IL1RAPL2: variants seen among roughly 807,000 people sequenced by gnomAD.
IL1RAPL2 encodes the protein X-linked interleukin-1 receptor accessory protein-like 2.
IL1RAPL2 carries 3 observed loss-of-function variants against 44.1 expected under a neutral mutation model. The ratio of observed to expected loss-of-function variants is 0.07; its 90% confidence interval spans 0.03 to 0.18. IL1RAPL2 has a LOEUF of 0.18. Among genes scored for constraint, IL1RAPL2 ranks in the 10% least tolerant of loss-of-function variants. The pLI, the probability that IL1RAPL2 is intolerant of heterozygous loss-of-function variation, is 1.00. For missense variants in IL1RAPL2, 391 were observed against 496.4 expected, an observed-to-expected ratio of 0.79 and a Z score of 2.02; for synonymous variants, 181 against 178.8, an observed-to-expected ratio of 1.01 and a Z score of -0.10.
At chrX:105,109,984 G>C (rs777140734) in intron 2 of IL1RAPL2, among the ~76,000 whole-genome samples, 6 of 111,836 alleles carry the variant, frequency 5.4e-5, no homozygotes, top group Non-Finnish European at 5.6e-5. Flanking sequence ...ATTTGGAAAG[G>C]ACCTCAGAGA....
intron 5 of IL1RAPL2, among the ~76,000 whole-genome samples, chrX:105,275,513 G>T (rs749252168): frequency 1.3e-3 from 142 of 112,026 alleles, no homozygotes; most frequent in African/African-American, 4.3e-3. Flanking sequence ...GAATGGATTT[G>T]TTGACTAATT....
intron 2 of IL1RAPL2, among the ~76,000 whole-genome samples, chrX:104,937,758 A>G (rs2147700774): frequency 8.9e-6 from 1 of 112,488 alleles, no homozygotes; most frequent in Admixed American, 9.4e-5. Flanking sequence ...TCCCATTACC[A>G]TCTTTAAGCT....
intron 3 of IL1RAPL2, among the ~76,000 whole-genome samples, chrX:105,216,317 T>C (rs1405632084): frequency 2.7e-5 from 3 of 110,106 alleles, no homozygotes; most frequent in Non-Finnish European, 5.7e-5. Context: ...ACACCAACAA[T>C]AGTCAAGCAG....
chrX:104,717,741 C>A (rs1931598362), intron 2 of IL1RAPL2, among the ~76,000 whole-genome samples: 1 of 109,651 alleles, frequency 9.1e-6, no homozygotes, highest in African/African-American at 3.3e-5. Flanking sequence ...AGGTATCTCT[C>A]CTAATGCTAT....
At chrX:105,338,528 C>T in intron 5 of IL1RAPL2, among the ~76,000 whole-genome samples, 1 of 111,774 alleles carries the variant, frequency 8.9e-6, no homozygotes, top group South Asian at 3.8e-4. Flanking sequence ...CCACTATTCT[C>T]TCCTCCTCAG....
chrX:104,598,162 T>C (rs1191445890), intron 1 of IL1RAPL2, among the ~76,000 whole-genome samples: 1 of 112,419 alleles, frequency 8.9e-6, no homozygotes, highest in African/African-American at 3.2e-5. Flanking sequence ...TCTAGCAACA[T>C]GGAATATCAG....
chrX:104,801,481 A>G (rs1464307067), intron 2 of IL1RAPL2, among the ~76,000 whole-genome samples: 1 of 110,394 alleles, frequency 9.1e-6, no homozygotes, highest in Non-Finnish European at 1.9e-5. Context: ...ATTTGTATTT[A>G]TGTAAGAGAA....
intron 3 of IL1RAPL2, among the ~76,000 whole-genome samples, chrX:105,232,844 T>G (rs961578044): frequency 7.1e-5 from 8 of 112,225 alleles, no homozygotes; most frequent in African/African-American, 1.6e-4. Flanking sequence ...ATTTCTAAAG[T>G]GGCCTTATGA....
chrX:105,219,143 T>C, intron 3 of IL1RAPL2: 1 of 1,211,491 alleles, frequency 8.3e-7, no homozygotes, highest in East Asian at 3.0e-5. Context: ...TGGTCTATTC[T>C]GTGGGGCCCC....
In IL1RAPL2 at chrX:105,121,661, T is replaced by C. The variant is rs149474071; in HGVS notation, c.83-73814T>C. On this transcript the variant is annotated intron_variant, in intron 2 of 10. Transcript: ENST00000372582. ...GCAATTGATTGTATTGGAGACATTTTTGTTTTGTTTTGTTCTAAATTCAAG... is the reference window on the plus strand; with the variant it reads ...GCAATTGATTGTATTGGAGACATTTCTGTTTTGTTTTGTTCTAAATTCAAG... 3.1e-3 allele frequency among the ~76,000 whole-genome samples: 345 copies of C among 111,583 alleles called. 1 individual carries two copies. The highest frequency in any genetic ancestry group is 0.01 in the African/African-American group (319 of 30,769).
chrX:105,528,568 T>C (rs2036609554), intron 6 of IL1RAPL2, among the ~76,000 whole-genome samples: 1 of 111,739 alleles, frequency 8.9e-6, no homozygotes, highest in South Asian at 3.7e-4. Flanking sequence ...CAATGAACAC[T>C]TATATGCCTT....
At chrX:104,595,919 T>A (rs200020167) in intron 1 of IL1RAPL2, among the ~76,000 whole-genome samples, 1 of 30,898 alleles carries the variant, frequency 3.2e-5, no homozygotes, top group Non-Finnish European at 5.4e-5. Context: ...ACCTTTTTTA[T>A]TTTTTTTTTT....
chrX:104,869,902 G>A (rs1352519401), intron 2 of IL1RAPL2, among the ~76,000 whole-genome samples: 1 of 111,266 alleles, frequency 9.0e-6, no homozygotes, highest in Non-Finnish European at 1.9e-5. Flanking sequence ...GCACATTTCT[G>A]GTAATTGTTG....
intron 2 of IL1RAPL2, among the ~76,000 whole-genome samples, chrX:104,766,578 T>C (rs1418667460): frequency 8.9e-6 from 1 of 112,264 alleles, no homozygotes; most frequent in Non-Finnish European, 1.9e-5. Flanking sequence ...TATTATGTCC[T>C]AGACACTGTT....
At chrX:104,634,353 A>G (rs1244299591) in intron 1 of IL1RAPL2, among the ~76,000 whole-genome samples, 2 of 111,707 alleles carry the variant, frequency 1.8e-5, no homozygotes, top group Non-Finnish European at 3.8e-5. Flanking sequence ...GTAGATGTCT[A>G]TTAGGTCCAC....
intron 2 of IL1RAPL2, among the ~76,000 whole-genome samples, chrX:104,808,877 G>A (rs888782359): frequency 3.6e-5 from 4 of 111,565 alleles, no homozygotes; most frequent in African/African-American, 6.5e-5. Flanking sequence ...TTGGGTGAGA[G>A]CAGTTCTGAG....
intron 6 of IL1RAPL2, among the ~76,000 whole-genome samples, chrX:105,616,024 A>T (rs898585446): frequency 1.8e-5 from 2 of 112,179 alleles, no homozygotes; most frequent in Non-Finnish European, 3.8e-5. Flanking sequence ...TTTAAAAAGC[A>T]CAACTGGAAT....
rs376587016 is a variant in IL1RAPL2 at position 104,778,854 on chromosome X, A to G, written c.82+119859A>G. 6.3e-5 allele frequency among the ~76,000 whole-genome samples: 7 copies of G among 110,264 alleles called. No homozygotes were observed. In the East Asian group the frequency reaches 1.4e-3, roughly 23 times the overall value. ...CTAAAAATCACTTCCTTATCCATGAACTCAAGTGACCAGATGCCTTCAAAC... is the reference window on the plus strand; with the variant it reads ...CTAAAAATCACTTCCTTATCCATGAGCTCAAGTGACCAGATGCCTTCAAAC... On this transcript the variant is annotated intron_variant, in intron 2 of 10. Coordinates refer to ENST00000372582, the MANE Select transcript of IL1RAPL2 (RefSeq NM_017416.2).
chrX:105,598,676 C>T (rs891327062), intron 6 of IL1RAPL2, among the ~76,000 whole-genome samples: 2 of 111,566 alleles, frequency 1.8e-5, no homozygotes, highest in African/African-American at 6.5e-5. Flanking sequence ...TCAAGTTCTT[C>T]TCTCTGCCTG....
Sources: gnomAD v4.1 joint callset for allele counts (sites outside exome capture counted in the v4.1 genomes callset) on GRCh38, gnomAD v4.1.1 for gene constraint, MANE v1.5 for transcripts, NCBI Gene and HGNC (gene_info 2026-07-23, HGNC 2026-07-21) for gene names.